Variants in SUPT3H observed in about 807,000 individuals in gnomAD.
SUPT3H encodes the protein SPT3 homolog, SAGA and STAGA complex component.
SUPT3H carries 44 observed loss-of-function variants against 44.3 expected under a neutral mutation model. The observed-to-expected ratio is 0.99, with a 90% CI of 0.78 to 1.28. The LOEUF (loss-of-function observed/expected upper bound fraction) is 1.28. Ranked by LOEUF, SUPT3H falls within the 50% of genes most tolerant of loss-of-function variation. The pLI is 0.00. For synonymous variants in SUPT3H, 124 were observed against 125.6 expected, an observed-to-expected ratio of 0.99 and a Z score of 0.09; for missense variants, 380 against 387.1, an observed-to-expected ratio of 0.98 and a Z score of 0.15.
At chr6:45,191,739 ACATT>A (rs772943714) in intron 2 of SUPT3H, among the ~76,000 whole-genome samples, 9 of 152,114 alleles carry the variant, frequency 5.9e-5, no homozygotes, top group African/African-American at 9.7e-5. Flanking sequence ...AAAGTTAGCT[ACATT>A]CAAATTTTAC....
chr6:45,215,213 T>C (rs758801833), intron 2 of SUPT3H, among the ~76,000 whole-genome samples: 1 of 151,952 alleles, frequency 6.6e-6, no homozygotes, highest in African/African-American at 2.4e-5. Flanking sequence ...ATTAACAAAA[T>C]TAACATAAAA....
At chr6:45,249,740 C>T (rs1406915339) in intron 2 of SUPT3H, among the ~76,000 whole-genome samples, 1 of 152,048 alleles carries the variant, frequency 6.6e-6, no homozygotes, top group African/African-American at 2.4e-5. Flanking sequence ...TCCTGCAAAA[C>T]ACTGAAGCTT....
intron 9 of SUPT3H, among the ~76,000 whole-genome samples, chr6:44,951,357 C>G (rs1472981633): frequency 6.6e-6 from 1 of 151,396 alleles, no homozygotes; most frequent in Non-Finnish European, 1.5e-5. Context: ...AATATCCTGT[C>G]TCCCTGAACA....
intron 2 of SUPT3H, among the ~76,000 whole-genome samples, chr6:45,273,162 A>AACCAAT (rs1340153385): frequency 6.6e-6 from 1 of 152,204 alleles, no homozygotes; most frequent in African/African-American, 2.4e-5. Flanking sequence ...GTATAAGGTG[A>AACCAAT]ACCAATTGAG....
At chr6:44,867,498 T>C (rs1266557002) in intron 10 of SUPT3H, among the ~76,000 whole-genome samples, 2 of 152,190 alleles carry the variant, frequency 1.3e-5, no homozygotes, top group African/African-American at 2.4e-5. Context: ...ATAGATATGA[T>C]TGATTCGCTA....
chr6:45,011,016 C>T lies in SUPT3H; in HGVS notation c.364+3785G>A, dbSNP rs150627564. Among the ~76,000 whole-genome samples the T allele has an allele frequency of 6.6e-5, 10 of 152,214 alleles. No individual in the cohort carries two copies. The East Asian group carries it at 1.7e-3, about 26-fold the overall frequency. On this transcript the variant is annotated intron_variant, in intron 5 of 10. Transcript: ENST00000371459. Reference sequence around the variant, plus strand: ...TTTATTCTGTTAATTTGATGCATTACATGAATTGTTTTCTAAGTTTAAAAC... The same window carrying T: ...TTTATTCTGTTAATTTGATGCATTATATGAATTGTTTTCTAAGTTTAAAAC...
chr6:45,115,496 C>T (rs1423984573), intron 2 of SUPT3H, among the ~76,000 whole-genome samples: 1 of 152,008 alleles, frequency 6.6e-6, no homozygotes, highest in Non-Finnish European at 1.5e-5. Context: ...AGAAAAGAAA[C>T]TCTTGATTTT....
chr6:45,121,971 T>C (rs533807473), intron 2 of SUPT3H, among the ~76,000 whole-genome samples: 2 of 151,920 alleles, frequency 1.3e-5, no homozygotes, highest in East Asian at 3.9e-4. Context: ...CCACCGCACC[T>C]AGCCAGATGT....
chr6:44,982,679 T>A (rs576927865), intron 6 of SUPT3H, among the ~76,000 whole-genome samples: 242 of 151,984 alleles, frequency 1.6e-3, no homozygotes, highest in Admixed American at 2.8e-3. Context: ...GTCTCCTATC[T>A]CTCCTCTATC....
At position 45,199,940 on chromosome 6, in the gene SUPT3H, G is replaced by C. The variant is rs574047240; in HGVS notation, c.102-93934C>G. Among the ~76,000 whole-genome samples, 5 of 151,288 alleles carry C rather than the reference G, an allele frequency of 3.3e-5. No individual in the cohort carries two copies. The South Asian group carries it at 8.3e-4, about 25-fold the overall frequency. Reference sequence around the variant, plus strand: ...CTGACAAGAATTTTTCTGTTCCAAGGAAAGTCAGTCAGTTTGTATCTGAAA... The same window carrying C: ...CTGACAAGAATTTTTCTGTTCCAAGCAAAGTCAGTCAGTTTGTATCTGAAA... On this transcript the variant is annotated intron_variant, in intron 2 of 10. Transcript: ENST00000371459.
At chr6:44,990,959 T>C (rs947390731) in intron 6 of SUPT3H, among the ~76,000 whole-genome samples, 3 of 151,958 alleles carry the variant, frequency 2.0e-5, no homozygotes, top group Admixed American at 6.6e-5. Flanking sequence ...TACCCAGTGA[T>C]TTTGGATTTT....
chr6:45,227,179 A>G (rs971153945), intron 2 of SUPT3H, among the ~76,000 whole-genome samples: 3 of 151,774 alleles, frequency 2.0e-5, no homozygotes, highest in Non-Finnish European at 4.4e-5. Flanking sequence ...AATGATAGTT[A>G]GTATATGAAA....
chr6:45,153,155 C>T (rs1214525880), intron 2 of SUPT3H, among the ~76,000 whole-genome samples: 1 of 152,104 alleles, frequency 6.6e-6, no homozygotes, highest in Admixed American at 6.6e-5. Flanking sequence ...TATCATATTC[C>T]ATCCCCTTAT....
rs73737822 is a variant in SUPT3H at position 45,009,842 on chromosome 6, T to C, written c.364+4959A>G. On this transcript the variant is annotated intron_variant, in intron 5 of 10. Transcript: ENST00000371459. ...TCCATATCAGAATCTGGTATTTCTA[T>C]ATGATTGGTAGAATCAGCGTATTCA... 3.9e-3 allele frequency among the ~76,000 whole-genome samples: 593 copies of C among 152,282 alleles called. 7 individuals are homozygous for C. The highest frequency in any genetic ancestry group is 0.014 in the African/African-American group (565 of 41,570).
intron 2 of SUPT3H, among the ~76,000 whole-genome samples, chr6:45,154,087 A>AAAAAAC (rs70996303): frequency 8.7e-6 from 1 of 114,596 alleles, no homozygotes; most frequent in Non-Finnish European, 1.8e-5. Context: ...AAAAAAAAAA[A>AAAAAAC]AGCGCTTAGT....
intron 2 of SUPT3H, among the ~76,000 whole-genome samples, chr6:45,156,391 A>G (rs1410642235): frequency 6.6e-6 from 1 of 152,136 alleles, no homozygotes; most frequent in Non-Finnish European, 1.5e-5. Context: ...ATCCTTCCTG[A>G]GTTCTAGAGT....
intron 5 of SUPT3H, among the ~76,000 whole-genome samples, chr6:45,009,419 T>G (rs1185161236): frequency 6.6e-6 from 1 of 152,196 alleles, no homozygotes; most frequent in Admixed American, 6.6e-5. Context: ...ATTACTGTAT[T>G]TCTTTTTAAG....
intron 10 of SUPT3H, among the ~76,000 whole-genome samples, chr6:44,887,305 C>T (rs1041502933): frequency 1.3e-5 from 2 of 152,172 alleles, no homozygotes; most frequent in Non-Finnish European, 2.9e-5. Context: ...TGCAAATCAA[C>T]AGAATATACA....
intron 2 of SUPT3H, among the ~76,000 whole-genome samples, chr6:45,203,415 A>G (rs890293177): frequency 6.6e-6 from 1 of 152,146 alleles, no homozygotes; most frequent in Non-Finnish European, 1.5e-5. Flanking sequence ...TTAGTTCCCC[A>G]GCAGCACCAC....
Sources: gnomAD v4.1 joint callset for allele counts (sites outside exome capture counted in the v4.1 genomes callset) on GRCh38, gnomAD v4.1.1 for gene constraint, MANE v1.5 for transcripts, NCBI Gene and HGNC (gene_info 2026-07-23, HGNC 2026-07-21) for gene names.